PALLD: variants seen among roughly 807,000 people sequenced by gnomAD.
PALLD encodes the protein palladin.
Under a neutral mutation model 123.5 loss-of-function variants are expected in PALLD, and 61 were observed. The observed-to-expected ratio is 0.49, with a 90% CI of 0.40 to 0.61. The LOEUF (loss-of-function observed/expected upper bound fraction) is 0.61, where lower values mean the gene tolerates loss of function less well. Ranked by LOEUF, PALLD falls within the 20% of genes least tolerant of loss-of-function variation. The pLI, the probability that PALLD is intolerant of heterozygous loss-of-function variation, is 0.00. For missense variants in PALLD, 1,273 were observed against 1,377.0 expected, an observed-to-expected ratio of 0.92 and a Z score of 1.20; for synonymous variants, 465 against 496.4, an observed-to-expected ratio of 0.94 and a Z score of 0.84.
Position 168,511,447 on chromosome 4 carries a change from C to A in PALLD, c.-58C>A. ...GAACACAGTTTCAGAAAACAGTTTC[C>A]AGTGCCTCTGGCCTTCCTACTGAAA... On this transcript the variant is annotated 5_prime_UTR_variant, in exon 2 of 22. Coordinates refer to ENST00000505667, the MANE Select transcript of PALLD (RefSeq NM_001166108.2). 2 of 1,297,426 alleles carry A rather than the reference C, an allele frequency of 1.5e-6. No homozygotes were observed. The highest frequency in any genetic ancestry group is 1.2e-5 in the South Asian group (1 of 84,262). The allele number at this position is 1,297,426 out of a possible 1,614,324, so 80.4% of individuals were successfully genotyped here. A position where few individuals can be genotyped will look rare whatever the true frequency, so the allele number is the denominator to read the frequency against.
chr4:168,794,522 A>G (rs1738203648), intron 10 of PALLD, among the ~76,000 whole-genome samples: 2 of 147,790 alleles, frequency 1.4e-5, no homozygotes, highest in Admixed American at 6.7e-5. Context: ...ACACACACAC[A>G]CACACACACA....
chr4:168,922,531 T>C (rs1761784747), intron 18 of PALLD, among the ~76,000 whole-genome samples: 1 of 152,216 alleles, frequency 6.6e-6, no homozygotes, highest in Non-Finnish European at 1.5e-5. Context: ...ACAAGACTCC[T>C]AGTGCTCTTC....
At chr4:168,527,146 G>A (rs1055269307) in intron 2 of PALLD, among the ~76,000 whole-genome samples, 41 of 152,098 alleles carry the variant, frequency 2.7e-4, no homozygotes, top group Admixed American at 2.6e-3. Context: ...GAGGTGACAC[G>A]AGTCATTGTT....
chr4:168,838,117 C>T (rs1397839373), intron 10 of PALLD, among the ~76,000 whole-genome samples: 1 of 152,200 alleles, frequency 6.6e-6, no homozygotes, highest in African/African-American at 2.4e-5. Flanking sequence ...ATGTTGAGTA[C>T]ATGTCACCCT....
chr4:168,896,470 CT>C, intron 12 of PALLD, 78 bp from the exon 13 acceptor site: 1 of 871,996 alleles, frequency 1.1e-6, no homozygotes. Context: ...AAAAGTTTCA[CT>C]TAAGGAAAAT....
intron 18 of PALLD, 82 bp from the exon 19 acceptor site, chr4:168,924,173 C>A (rs1762134409): frequency 8.2e-7 from 1 of 1,221,398 alleles, no homozygotes; most frequent in African/African-American, 1.5e-5. Flanking sequence ...TCTATTCAAG[C>A]AATATTCCAA....
chr4:168,657,312 A>G (rs1443811680), intron 2 of PALLD, among the ~76,000 whole-genome samples: 1 of 152,204 alleles, frequency 6.6e-6, no homozygotes, highest in Admixed American at 6.5e-5. Flanking sequence ...TGGTAAACCT[A>G]TTTGGCCACA....
chr4:168,801,744 A>G lies in PALLD; in HGVS notation c.1965-89178A>G, dbSNP rs114251518. 5.1e-3 allele frequency among the ~76,000 whole-genome samples: 777 copies of G among 152,326 alleles called. 12 individuals are homozygous for G. Among genetic ancestry groups the G allele is most frequent in the African/African-American group, 0.018 (742 of 41,558 alleles). On this transcript the variant is annotated intron_variant, in intron 10 of 21. Coordinates refer to ENST00000505667, the MANE Select transcript of PALLD (RefSeq NM_001166108.2). ...GGGTTAAGATGTCTCTCCTTTTGTG[A>G]TTAACACCCCGTCGTGCTTGCAGAG...
intron 17 of PALLD, 108 bp downstream of exon 17, chr4:168,916,135 GGGCACAGTGGCTCACACCTAT>G: frequency 9.2e-7 from 1 of 1,090,896 alleles, no homozygotes; most frequent in Non-Finnish European, 1.4e-6. Flanking sequence ...AATGAGAGCT[GGGCACAGTGGCTCACACCTAT>G]AATCCCAGCA....
intron 2 of PALLD, among the ~76,000 whole-genome samples, chr4:168,607,930 G>C (rs963995363): frequency 1.3e-5 from 2 of 152,186 alleles, no homozygotes; most frequent in African/African-American, 4.8e-5. Flanking sequence ...TCTGCCCTCT[G>C]CCTCCCTGTC....
chr4:168,516,003 C>T (rs970828945), intron 2 of PALLD, among the ~76,000 whole-genome samples: 1 of 152,184 alleles, frequency 6.6e-6, no homozygotes, highest in African/African-American at 2.4e-5. Flanking sequence ...CAAGGCAAGG[C>T]ATTTGTACTT....
intron 10 of PALLD, chr4:168,831,980 TC>T: frequency 3.0e-6 from 3 of 985,144 alleles, no homozygotes; most frequent in Non-Finnish European, 3.6e-6. Flanking sequence ...GCCTCCTCTC[TC>T]CCGCCCGCCG....
intron 2 of PALLD, among the ~76,000 whole-genome samples, chr4:168,627,696 G>A (rs1159489669): frequency 6.6e-6 from 1 of 152,110 alleles, no homozygotes. Flanking sequence ...AAGACAAACG[G>A]CAAAATGAGA....
At chr4:168,519,015 A>T (rs941762290) in intron 2 of PALLD, among the ~76,000 whole-genome samples, 1 of 152,272 alleles carries the variant, frequency 6.6e-6, no homozygotes, top group Non-Finnish European at 1.5e-5. Flanking sequence ...TATGAAACTC[A>T]TAAGCATAAA....
chr4:168,522,973 T>C (rs1246290872), intron 2 of PALLD, among the ~76,000 whole-genome samples: 1 of 152,172 alleles, frequency 6.6e-6, no homozygotes, highest in Non-Finnish European at 1.5e-5. Context: ...TGAAGTCTAG[T>C]TCCATATAAC....
chr4:168,716,484 T>A (rs1350618287), intron 10 of PALLD, among the ~76,000 whole-genome samples: 1 of 152,222 alleles, frequency 6.6e-6, no homozygotes, highest in African/African-American at 2.4e-5. Flanking sequence ...AACAGTATTA[T>A]GATTTTCTAT....
intron 2 of PALLD, among the ~76,000 whole-genome samples, chr4:168,661,358 CTTCCAGTCGA>C (rs1779119084): frequency 6.6e-6 from 1 of 152,206 alleles, no homozygotes; most frequent in Non-Finnish European, 1.5e-5. Context: ...GACATCTATG[CTTCCAGTCGA>C]TTCCTGCATT....
chr4:168,622,313 C>T (rs193008880), intron 2 of PALLD, among the ~76,000 whole-genome samples: 1 of 152,278 alleles, frequency 6.6e-6, no homozygotes, highest in African/African-American at 2.4e-5. Context: ...CTTTTCTTTG[C>T]ATGACCACAA....
chr4:168,634,592 G>A (rs181820929), intron 2 of PALLD, among the ~76,000 whole-genome samples: 36 of 152,310 alleles, frequency 2.4e-4, no homozygotes, highest in Admixed American at 1.4e-3. Flanking sequence ...GTGCCTGAGC[G>A]AGGGGAGTGG....
Sources: allele counts gnomAD v4.1 joint callset (sites outside exome capture counted in the v4.1 genomes callset), GRCh38; gene constraint gnomAD v4.1.1; transcripts MANE v1.5; gene names NCBI Gene and HGNC (gene_info 2026-07-23, HGNC 2026-07-21).